Variants in PPIL2 observed in about 807,000 individuals in gnomAD.
PPIL2 encodes peptidylprolyl isomerase like 2, also known as RING-type E3 ubiquitin-protein ligase PPIL2.
In PPIL2, 50 loss-of-function variants were observed where a neutral mutation model predicts 75.2. That is an observed-to-expected ratio of 0.66 (90% CI 0.53 to 0.84). PPIL2 has a LOEUF of 0.84. Ranked by LOEUF, PPIL2 falls within the 40% of genes least tolerant of loss-of-function variation. The probability of loss-of-function intolerance (pLI) is 0.00; values close to 1 mark genes in which losing one functional copy is unlikely to be tolerated. For synonymous variants in PPIL2, 245 were observed against 258.8 expected, an observed-to-expected ratio of 0.95 and a Z score of 0.51; for missense variants, 590 against 685.0, an observed-to-expected ratio of 0.86 and a Z score of 1.55.
At chr22:21,670,850 G>A (rs2066604763) in intron 3 of PPIL2, 147 bp from the exon 4 acceptor site, 7 of 905,090 alleles carry the variant, frequency 7.7e-6, no homozygotes, top group Non-Finnish European at 1.3e-5. Context: ...AGTTGGAGGA[G>A]AAGGTTGGTG....
chr22:21,696,655 A>G lies in PPIL2; in HGVS notation c.*1165A>G. On this transcript the variant is annotated 3_prime_UTR_variant, in exon 20 of 20. Coordinates refer to ENST00000398831, the MANE Select transcript of PPIL2 (RefSeq NM_014337.4). Reference sequence around the variant, plus strand: ...TTGGGCTCCCTGTTGCCCTCAGGCCACCCCCCACTTCTAGTTCTTCACACT... The same window carrying G: ...TTGGGCTCCCTGTTGCCCTCAGGCCGCCCCCCACTTCTAGTTCTTCACACT... 6.6e-7 allele frequency: 1 copy of G among 1,524,186 alleles called. No individual in the cohort carries two copies. The highest frequency in any genetic ancestry group is 8.8e-7 in the Non-Finnish European group (1 of 1,140,610). 94.4% of individuals were successfully genotyped at this position (1,524,186 alleles called of 1,614,324 possible). A position where few individuals can be genotyped will look rare whatever the true frequency, so the allele number is the denominator to read the frequency against.
At chr22:21,680,395 C>T (rs187401955) in intron 6 of PPIL2, among the ~76,000 whole-genome samples, 4 of 152,190 alleles carry the variant, frequency 2.6e-5, no homozygotes, top group Admixed American at 6.5e-5. Context: ...TACATGGTGA[C>T]GCATGCATGC....
intron 6 of PPIL2, among the ~76,000 whole-genome samples, chr22:21,678,608 T>C (rs436570): frequency 0.98 from 149,422 of 152,346 alleles, 73,360 homozygotes; most frequent in African/African-American, 1. Context: ...GTGCCCATCA[T>C]CAACTCCAGC....
chr22:21,684,454 C>CA (rs1028354500), intron 9 of PPIL2, among the ~76,000 whole-genome samples: 14,864 of 47,888 alleles, frequency 0.31, 2,311 homozygotes, highest in Non-Finnish European at 0.35. Flanking sequence ...TCCATCTCCA[C>CA]AAAAAAAAAA....
At chr22:21,692,299 G>A (rs1433339379) in intron 15 of PPIL2, among the ~76,000 whole-genome samples, 1 of 151,948 alleles carries the variant, frequency 6.6e-6, no homozygotes, top group Admixed American at 6.6e-5. Context: ...GGGACTACAG[G>A]CGCCCGCCAC....
At position 21,691,930 on chromosome 22, in the gene PPIL2, T is replaced by TG. The variant is rs553221373; in HGVS notation, c.1140-1880dup. ...GCTCAGGAGCGTGTCCCTGCGTGGC[T>TG]GGGGGGTGCATGTTTGATGCAGTGG... On this transcript the variant is annotated intron_variant, in intron 15 of 19. Coordinates refer to ENST00000398831, the MANE Select transcript of PPIL2 (RefSeq NM_014337.4). 8.0e-3 allele frequency among the ~76,000 whole-genome samples: 1,213 copies of TG among 152,252 alleles called. 22 individuals carry two copies. Among genetic ancestry groups the TG allele is most frequent in the African/African-American group, 0.028 (1,159 of 41,542 alleles).
At chr22:21,686,387 AG>A (rs1469286520) in intron 10 of PPIL2, 95 bp from the exon 11 acceptor site, 1 of 1,173,218 alleles carries the variant, frequency 8.5e-7, no homozygotes, top group Non-Finnish European at 1.3e-6. Flanking sequence ...CCTGGGGGGC[AG>A]GGGTGGCGTG....
chr22:21,668,490 G>C (rs1484250270), intron 1 of PPIL2, among the ~76,000 whole-genome samples: 1 of 150,940 alleles, frequency 6.6e-6, no homozygotes, highest in Admixed American at 6.6e-5. Flanking sequence ...TCAGCTGGGC[G>C]TGGTGGCAGG....
chr22:21,690,037 C>T (rs2067553068), intron 15 of PPIL2, among the ~76,000 whole-genome samples: 1 of 152,058 alleles, frequency 6.6e-6, no homozygotes, highest in South Asian at 2.1e-4. Context: ...AGGTGTGGCC[C>T]CTGCATGTTA....
intron 7 of PPIL2, 125 bp downstream of exon 7, chr22:21,681,515 C>T (rs1569030123): frequency 2.5e-6 from 2 of 812,742 alleles, no homozygotes; most frequent in African/African-American, 3.4e-5. Context: ...CAGTCACAGC[C>T]ACAGGCATGG....
chr22:21,693,799 C>G lies in PPIL2; in HGVS notation c.1140-17C>G. The stretch of plus-strand genomic sequence containing the variant: ...AAGGTGCCATGCTCTCCCTAACCAT[C>G]CAGCCCTCCTCCCCAGCTTCATCAC... On this transcript the variant is annotated splice_polypyrimidine_tract_variant and intron_variant, in intron 15 of 19. Coordinates refer to ENST00000398831, the MANE Select transcript of PPIL2 (RefSeq NM_014337.4). 6.5e-7 allele frequency: 1 copy of G among 1,529,496 alleles called. No homozygotes were observed. The highest frequency in any genetic ancestry group is 9.1e-7 in the Non-Finnish European group (1 of 1,103,088). The allele number at this position is 1,529,496 out of a possible 1,614,324, so 94.7% of individuals were successfully genotyped here. A position where few individuals can be genotyped will look rare whatever the true frequency, so the allele number is the denominator to read the frequency against.
At chr22:21,670,678 C>T in intron 3 of PPIL2, 67 bp downstream of exon 3, 1 of 1,494,952 alleles carries the variant, frequency 6.7e-7, no homozygotes, top group Non-Finnish European at 9.3e-7. Flanking sequence ...AGTGAATCTG[C>T]CCCTTGTGGA....
rs761916175 is a variant in PPIL2 at position 21,694,965 on chromosome 22, A to G, written c.1361A>G (p.Lys454Arg). Residue 454 changes from lysine to arginine, a missense_variant, in exon 19 of 20, where the codon AAG (lysine) becomes AGG (arginine). By Grantham distance (26) the Lys-to-Arg change is conservative. Coordinates refer to ENST00000398831, the MANE Select transcript of PPIL2 (RefSeq NM_014337.4). ...GCGCAGGAGCGGAAGACACAGCTCAAGGTAGCCCCGGAGACCAAAGTGAAG... is the reference window on the plus strand; with the variant it reads ...GCGCAGGAGCGGAAGACACAGCTCAGGGTAGCCCCGGAGACCAAAGTGAAG... ...QIAQERKTQLKVAPETKVKSS... is the reference protein window; with the variant it reads ...QIAQERKTQLRVAPETKVKSS... 1.2e-6 allele frequency: 2 copies of G among 1,613,902 alleles called. No homozygotes were observed. The highest frequency in any genetic ancestry group is 1.7e-6 in the Non-Finnish European group (2 of 1,180,004).
chr22:21,686,494 C>T lies in PPIL2; in HGVS notation c.726C>T (p.Ser242=). The T allele has an allele frequency of 4.3e-6, 7 of 1,614,122 alleles. No individual in the cohort carries two copies. Among genetic ancestry groups the T allele is most frequent in the Non-Finnish European group, 5.9e-6 (7 of 1,179,986 alleles). ...KVDKLNAAHY[S]TGKVSASFTS... is the part of the protein sequence containing the mutation. ...GGTTTCCTTGGCAGGCCCACTATTC[C>T]ACAGGGAAGGTCAGCGCTTCCTTCA... Residue 242 remains serine, a synonymous_variant, in exon 11 of 20, where the codon TCC becomes TCT. Transcript: ENST00000398831.
intron 15 of PPIL2, among the ~76,000 whole-genome samples, chr22:21,691,047 C>G (rs767085924): frequency 7.0e-4 from 99 of 141,792 alleles, no homozygotes; most frequent in Non-Finnish European, 4.7e-4. Context: ...TCACTGCAAC[C>G]TCTGCCTCCT....
chr22:21,681,359 T>C lies in PPIL2; in HGVS notation c.356T>C (p.Val119Ala). The C allele has an allele frequency of 1.2e-6, 2 of 1,614,170 alleles. No homozygotes were observed. Among genetic ancestry groups the C allele is most frequent in the Middle Eastern group, 1.6e-4 (1 of 6,062 alleles). ...ACCAACAACACCCACATCGTGGCTG[T>C]GAGGACGACCGGCAACGTCTACGCC... ...VFTNNTHIVAVRTTGNVYAYE... is the reference protein window; with the variant it reads ...VFTNNTHIVAARTTGNVYAYE... The change falls in exon 7 of 20, where the codon GTG becomes GCG. Residue 119 changes from valine (V) to alanine (A), a missense_variant. Coordinates refer to ENST00000398831, the MANE Select transcript of PPIL2 (RefSeq NM_014337.4).
At position 21,671,037 on chromosome 22, in the gene PPIL2, G is replaced by T. The variant is rs774909103; in HGVS notation, c.169G>T (p.Asp57Tyr). 1 of 1,612,800 alleles carries T rather than the reference G, an allele frequency of 6.2e-7. No individual in the cohort carries two copies. The change falls in exon 4 of 20, where the codon GAT (aspartate) becomes TAT (tyrosine). Residue 57 changes from aspartate to tyrosine, a missense_variant. Asp to Tyr is a radical substitution (Grantham distance 160, BLOSUM62 -3). Transcript: ENST00000398831. ...CTTTGTCTACCCAGTCTGCACTCCC[G>T]ATGGCATCGTCTTTGACTTACTGTG... ...QPFVYPVCTP[D>Y]GIVFDLLNIV...
intron 2 of PPIL2, chr22:21,670,183 A>T: frequency 2.1e-6 from 2 of 935,068 alleles, no homozygotes; most frequent in African/African-American, 1.7e-5. Flanking sequence ...ATATTCCCCG[A>T]TGCTGGGAGC....
At chr22:21,672,412 C>T (rs750309857) in intron 5 of PPIL2, 31 bp downstream of exon 5, 10 of 1,559,522 alleles carry the variant, frequency 6.4e-6, no homozygotes, top group Non-Finnish European at 8.0e-6. Flanking sequence ...TTCAGTGATG[C>T]TAGTGAATGC....
Sources: allele counts gnomAD v4.1 joint callset (sites outside exome capture counted in the v4.1 genomes callset), GRCh38; gene constraint gnomAD v4.1.1; transcripts MANE v1.5; gene names NCBI Gene and HGNC (gene_info 2026-07-23, HGNC 2026-07-21).